The following ZNF331 variants were observed in gnomAD, a reference collection of about 807,000 sequenced individuals.
The protein encoded by ZNF331 is C2H2-like zinc finger protein rearranged in thyroid adenomas.
In ZNF331, 2 loss-of-function variants were observed where a neutral mutation model predicts 7.0. The ratio of observed to expected loss-of-function variants is 0.29; its 90% CI spans 0.12 to 0.90. The LOEUF is 0.90. Ranked by LOEUF, ZNF331 falls within the 40% of genes least tolerant of loss-of-function variation. The probability of loss-of-function intolerance (pLI) is 0.58; values close to 1 mark genes in which losing one functional copy is unlikely to be tolerated. For missense variants in ZNF331, 432 were observed against 587.7 expected (o/e 0.74, Z 2.74); for synonymous variants, 196 against 205.4 (o/e 0.95, Z 0.39).
At chr19:53,559,273 A>G (rs1221640115) in intron 3 of ZNF331, among the ~76,000 whole-genome samples, 1 of 145,500 alleles carries the variant, frequency 6.9e-6, no homozygotes, top group African/African-American at 2.6e-5. Context: ...CATATACACA[A>G]CTACATATAT....
chr19:53,548,047 A>G (rs2088735563), intron 2 of ZNF331, among the ~76,000 whole-genome samples: 2 of 151,944 alleles, frequency 1.3e-5, no homozygotes, highest in Non-Finnish European at 2.9e-5. Flanking sequence ...CTCCTACCTC[A>G]GCCTCCCAAG....
chr19:53,514,222 G>A, the ZNF331 span, among the ~76,000 whole-genome samples: 38 of 150,878 alleles, frequency 2.5e-4, no homozygotes, highest in African/African-American at 5.6e-4. Context: ...TTTTTGAGAC[G>A]GAGTCCTGCT....
At position 53,544,052 on chromosome 19, in the gene ZNF331, T is replaced by C. The variant is rs112626272; in HGVS notation, c.-138+4770T>C. Among the ~76,000 whole-genome samples, 351 of 142,762 alleles carry C rather than the reference T, an allele frequency of 2.5e-3. 4 individuals are homozygous for C. Among genetic ancestry groups the C allele is most frequent in the Admixed American group, 0.01 (144 of 14,278 alleles). 93.7% of individuals were successfully genotyped at this position (142,762 alleles called of 152,430 possible). On this transcript the variant is annotated intron_variant, in intron 2 of 5. Transcript: ENST00000449416. ...GACCGTCCTGGCCACCATGGTGAAATCCCATCTCTACTAAAAATACAAAAA... is the reference window on the plus strand; with the variant it reads ...GACCGTCCTGGCCACCATGGTGAAACCCCATCTCTACTAAAAATACAAAAA...
intron 3 of ZNF331, among the ~76,000 whole-genome samples, chr19:53,564,545 C>T (rs924462515): frequency 9.2e-5 from 14 of 151,748 alleles, no homozygotes; most frequent in East Asian, 7.8e-4. Flanking sequence ...CCTCCCAAAG[C>T]GCTGGGATTA....
At chr19:53,544,574 A>G (rs930822134) in intron 2 of ZNF331, among the ~76,000 whole-genome samples, 2 of 148,704 alleles carry the variant, frequency 1.3e-5, no homozygotes, top group Admixed American at 1.3e-4. Context: ...CAATATTGTT[A>G]GTATTCCATG....
Position 53,571,720 on chromosome 19 carries a change from G to C in ZNF331, c.126G>C (p.Leu42Phe). ...WDVMLENYSN[L>F]VSLDLESAYE... ...TGATGCTGGAGAACTACAGTAACTTGGTCTCACTGGGTGAGTTGCACGCCT... is the reference window on the plus strand; with the variant it reads ...TGATGCTGGAGAACTACAGTAACTTCGTCTCACTGGGTGAGTTGCACGCCT... Residue 42 changes from leucine to phenylalanine, a missense_variant, in exon 5 of 6, where the codon TTG (leucine) becomes TTC (phenylalanine). Transcript: ENST00000449416. The surrounding 1 kb of genome is among the most constrained non-coding windows in gnomAD (Gnocchi z 4.7). 1.9e-6 allele frequency: 3 copies of C among 1,612,302 alleles called. No individual in the cohort carries two copies. Among genetic ancestry groups the C allele is most frequent in the African/African-American group, 1.3e-5 (1 of 74,962 alleles).
the ZNF331 span, among the ~76,000 whole-genome samples, chr19:53,506,222 C>G: frequency 7.7e-6 from 1 of 130,686 alleles, no homozygotes; most frequent in East Asian, 2.1e-4. Flanking sequence ...GTAATCCCAG[C>G]TACTCGGGAG....
chr19:53,575,111 AT>A (rs367892310), intron 5 of ZNF331, among the ~76,000 whole-genome samples: 2 of 149,030 alleles, frequency 1.3e-5, no homozygotes, highest in Non-Finnish European at 3.0e-5. Flanking sequence ...TAATTTTTGT[AT>A]TTTTTTTGTA....
At chr19:53,570,514 C>G (rs1445880582) in intron 4 of ZNF331, among the ~76,000 whole-genome samples, 5 of 151,980 alleles carry the variant, frequency 3.3e-5, no homozygotes, top group African/African-American at 1.2e-4. Flanking sequence ...TGAAAACATT[C>G]AAACATGCAA....
At chr19:53,568,154 A>G (rs1339411082) in intron 3 of ZNF331, among the ~76,000 whole-genome samples, 1 of 151,664 alleles carries the variant, frequency 6.6e-6, no homozygotes, top group Non-Finnish European at 1.5e-5. Context: ...GAGGCTGAGG[A>G]GAATCGCTTG....
chr19:53,569,853 G>A (rs1036642113), intron 4 of ZNF331, among the ~76,000 whole-genome samples: 1 of 152,120 alleles, frequency 6.6e-6, no homozygotes, highest in African/African-American at 2.4e-5. Flanking sequence ...TAGGACCTTT[G>A]AACAGAGGTC....
intron 3 of ZNF331, among the ~76,000 whole-genome samples, chr19:53,563,957 C>T (rs1001300708): frequency 1.1e-4 from 16 of 145,842 alleles, no homozygotes; most frequent in African/African-American, 3.8e-4. Flanking sequence ...GGCTTGAACC[C>T]GGGAGGGAGA....
At chr19:53,523,815 G>T (rs2087185129) in intron 2 of ZNF331, among the ~76,000 whole-genome samples, 1 of 151,848 alleles carries the variant, frequency 6.6e-6, no homozygotes, top group Non-Finnish European at 1.5e-5. Context: ...TGCACAATAT[G>T]CAGGTTTAAT....
chr19:53,550,055 G>A (rs533795534), intron 2 of ZNF331, among the ~76,000 whole-genome samples: 85 of 152,166 alleles, frequency 5.6e-4, no homozygotes, highest in Non-Finnish European at 1.0e-3. Context: ...AATTTCTCCC[G>A]TTATTGATTT....
Position 53,573,454 on chromosome 19 carries a change from T to C in ZNF331, c.136+1724T>C, listed in dbSNP as rs1247826686. Among the ~76,000 whole-genome samples the C allele has an allele frequency of 6.6e-6, 1 of 151,804 alleles. No homozygotes were observed. The highest frequency in any genetic ancestry group is 1.5e-5 in the Non-Finnish European group (1 of 67,930). On this transcript the variant is annotated intron_variant, in intron 5 of 5. Coordinates refer to ENST00000449416, the MANE Select transcript of ZNF331 (RefSeq NM_001079906.2). This position sits in a 1 kb window ranked among gnomAD's most constrained non-coding sequence, Gnocchi z 4.2. ...CACTTGAACCCGGGAGGTAGAGGTATAGCATTTCTTTTTTTTTTTAAGTTG... is the reference window on the plus strand; with the variant it reads ...CACTTGAACCCGGGAGGTAGAGGTACAGCATTTCTTTTTTTTTTTAAGTTG...
At chr19:53,554,873 GA>G (rs2089275047) in intron 2 of ZNF331, 1 of 152,556 alleles carries the variant, frequency 6.6e-6, no homozygotes, top group African/African-American at 2.4e-5. Flanking sequence ...GCGTCCCCGG[GA>G]CTCTGTTCTG....
chr19:53,538,748 C>G (rs577252903), intron 1 of ZNF331: 1 of 153,108 alleles, frequency 6.5e-6, no homozygotes, highest in Non-Finnish European at 1.5e-5. Flanking sequence ...GCTTCAGCGT[C>G]TCTGTGCTGG....
At chr19:53,507,400 G>A in the ZNF331 span, among the ~76,000 whole-genome samples, 4 of 152,194 alleles carry the variant, frequency 2.6e-5, no homozygotes, top group Middle Eastern at 3.4e-3. Context: ...AAAACCCCCC[G>A]AAAGCCTTGC....
At chr19:53,531,869 C>T (rs2708814) in intron 2 of ZNF331, among the ~76,000 whole-genome samples, 2 of 151,644 alleles carry the variant, frequency 1.3e-5, no homozygotes, top group African/African-American at 2.4e-5. Context: ...TTCTGTAAAA[C>T]GTTCAGCAGT....
Sources: allele counts gnomAD v4.1 joint callset (sites outside exome capture counted in the v4.1 genomes callset), GRCh38; gene constraint gnomAD v4.1.1; non-coding constraint Gnocchi (gnomAD v3.1); transcripts MANE v1.5; gene names NCBI Gene and HGNC (gene_info 2026-07-23, HGNC 2026-07-21).